The following NTM variants were observed in gnomAD, a reference collection of about 807,000 sequenced individuals.
The protein encoded by NTM is neurotrimin.
In NTM, 13 loss-of-function variants were observed where a neutral mutation model predicts 42.1. The observed-to-expected ratio is 0.31, with a 90% CI of 0.20 to 0.49. NTM has a LOEUF of 0.49. Among genes scored for constraint, NTM ranks in the 20% least tolerant of loss-of-function variants. The pLI is 0.99. For missense variants in NTM, 373 were observed against 452.8 expected (o/e 0.82, Z 1.60); for synonymous variants, 187 against 179.2 (o/e 1.04, Z -0.35).
chr11:131,882,168 G>A (rs1047870592), intron 1 of NTM, among the ~76,000 whole-genome samples: 2 of 152,216 alleles, frequency 1.3e-5, no homozygotes, highest in African/African-American at 2.4e-5. Context: ...TAGGGTGTAT[G>A]TGTGTATGTG....
intron 1 of NTM, chr11:131,794,589 A>G (rs935532414): frequency 9.1e-6 from 9 of 984,346 alleles, no homozygotes; most frequent in Non-Finnish European, 1.1e-5. Flanking sequence ...AAGAAATGGC[A>G]ATAGACCGAC....
chr11:132,103,109 C>T (rs888817797), intron 2 of NTM, among the ~76,000 whole-genome samples: 2 of 152,212 alleles, frequency 1.3e-5, no homozygotes, highest in Non-Finnish European at 2.9e-5. Flanking sequence ...ATTGTGGAAC[C>T]GCAGGGGCAG....
chr11:131,967,853 G>A (rs917392479), intron 2 of NTM, among the ~76,000 whole-genome samples: 1 of 152,112 alleles, frequency 6.6e-6, no homozygotes, highest in Non-Finnish European at 1.5e-5. Context: ...AGGGTGAGGA[G>A]CCTGCTTTTC....
At chr11:131,815,900 C>T (rs888645891) in intron 1 of NTM, among the ~76,000 whole-genome samples, 1 of 152,134 alleles carries the variant, frequency 6.6e-6, no homozygotes, top group South Asian at 2.1e-4. Context: ...GGTCCTGAGC[C>T]CCAGCTGGTC....
chr11:132,136,260 G>A (rs562420997), intron 2 of NTM, among the ~76,000 whole-genome samples: 113 of 152,294 alleles, frequency 7.4e-4, no homozygotes, highest in Middle Eastern at 6.8e-3. Context: ...TCTCTCCTTG[G>A]AGGATGCCAG....
At chr11:132,330,030 C>T in intron 7 of NTM, 123 bp from the exon 8 acceptor site, 1 of 1,460,528 alleles carries the variant, frequency 6.8e-7, no homozygotes, top group Non-Finnish European at 9.2e-7. Flanking sequence ...GGGACATGGG[C>T]AAGAGGCGCA....
intron 1 of NTM, among the ~76,000 whole-genome samples, chr11:131,816,549 A>G (rs1312997948): frequency 1.3e-4 from 1 of 7,494 alleles, no homozygotes; most frequent in African/African-American, 2.8e-3. Context: ...TAAAGCAAGA[A>G]AAAAAAAAAA....
At chr11:132,273,672 C>T (rs562817756) in intron 4 of NTM, among the ~76,000 whole-genome samples, 26 of 152,066 alleles carry the variant, frequency 1.7e-4, no homozygotes, top group Admixed American at 5.2e-4. Context: ...TTTGGGAGGC[C>T]GAGGTGGGCA....
At chr11:131,846,676 T>C (rs991869847) in intron 1 of NTM, among the ~76,000 whole-genome samples, 2 of 152,076 alleles carry the variant, frequency 1.3e-5, no homozygotes, top group East Asian at 1.9e-4. Context: ...GTAGTCTAAA[T>C]AGTACATATT....
chr11:131,756,743 G>A (rs2083395149), intron 1 of NTM, among the ~76,000 whole-genome samples: 1 of 152,086 alleles, frequency 6.6e-6, no homozygotes, highest in African/African-American at 2.4e-5. Flanking sequence ...GGAAAAAGAG[G>A]AAATTATGTT....
chr11:131,746,825 T>C (rs1257216658), intron 1 of NTM, among the ~76,000 whole-genome samples: 1 of 152,158 alleles, frequency 6.6e-6, no homozygotes, highest in Non-Finnish European at 1.5e-5. Flanking sequence ...GGCAGCGATG[T>C]CAACAAATTA....
At chr11:132,098,215 C>G (rs2061246251) in intron 2 of NTM, among the ~76,000 whole-genome samples, 1 of 152,188 alleles carries the variant, frequency 6.6e-6, no homozygotes, top group East Asian at 1.9e-4. Flanking sequence ...TCATACAAAT[C>G]AGAGCCAAAC....
intron 2 of NTM, among the ~76,000 whole-genome samples, chr11:132,119,743 C>T (rs3925045): frequency 6.6e-6 from 1 of 152,122 alleles, no homozygotes; most frequent in Admixed American, 6.5e-5. Flanking sequence ...CTTTGGGGAC[C>T]TTCTGCACCA....
chr11:131,382,979 T>C (rs540416042), intron 1 of NTM, among the ~76,000 whole-genome samples: 1 of 152,328 alleles, frequency 6.6e-6, no homozygotes, highest in East Asian at 1.9e-4. Flanking sequence ...TCTCACAAAA[T>C]AACTGATTCC....
At chr11:131,487,370 C>A (rs183740211) in intron 1 of NTM, among the ~76,000 whole-genome samples, 2 of 152,262 alleles carry the variant, frequency 1.3e-5, no homozygotes, top group Admixed American at 6.5e-5. Flanking sequence ...CCAAACATAA[C>A]CCTGCAGATT....
intron 2 of NTM, among the ~76,000 whole-genome samples, chr11:132,097,904 C>A (rs964068636): frequency 6.6e-6 from 1 of 152,182 alleles, no homozygotes; most frequent in Admixed American, 6.5e-5. Context: ...TGGACTCATC[C>A]GTGATGCCCG....
At position 132,335,815 on chromosome 11, in the gene NTM, T is replaced by C. The variant is rs1470618038; in HGVS notation, c.*669T>C. 1.3e-5 allele frequency: 2 copies of C among 152,334 alleles called. No individual in the cohort carries two copies. The highest frequency in any genetic ancestry group is 2.9e-5 in the Non-Finnish European group (2 of 67,982). The allele number at this position is 152,334 out of a possible 1,614,324, so 9.4% of individuals were successfully genotyped here. A position where few individuals can be genotyped will look rare whatever the true frequency, so the allele number is the denominator to read the frequency against. On this transcript the variant is annotated 3_prime_UTR_variant, in exon 9 of 9. Transcript: ENST00000683400. ...ATTATTAATTTCATTAATTATATTT[T>C]CTGATATGAGTCTAGAACTTACTGC...
intron 1 of NTM, among the ~76,000 whole-genome samples, chr11:131,530,498 G>A (rs1020536228): frequency 2.6e-5 from 4 of 151,918 alleles, no homozygotes; most frequent in African/African-American, 9.7e-5. Context: ...AGAAAGGAGG[G>A]TGGGAAAAAG....
At chr11:132,033,114 TC>T (rs1414721050) in intron 2 of NTM, among the ~76,000 whole-genome samples, 1 of 152,204 alleles carries the variant, frequency 6.6e-6, no homozygotes, top group African/African-American at 2.4e-5. Context: ...AAAAGCTTTT[TC>T]TTTGTGCCCA....
Sources: allele counts gnomAD v4.1 joint callset (sites outside exome capture counted in the v4.1 genomes callset), GRCh38; gene constraint gnomAD v4.1.1; transcripts MANE v1.5; gene names NCBI Gene and HGNC (gene_info 2026-07-23, HGNC 2026-07-21).